The following PARP4 variants were observed in gnomAD, a reference collection of about 807,000 sequenced individuals.
PARP4 encodes the protein protein mono-ADP-ribosyltransferase PARP4.
In PARP4, 120 loss-of-function variants were observed where a neutral mutation model predicts 187.7. The observed-to-expected ratio is 0.64, with a 90% CI of 0.55 to 0.74. The LOEUF is 0.74. Ranked by LOEUF, PARP4 falls within the 30% of genes least tolerant of loss-of-function variation. The pLI is 0.00. For missense variants in PARP4, 1,836 were observed against 2,070.5 expected (o/e 0.89, Z 2.20); for synonymous variants, 654 against 740.9 (o/e 0.88, Z 1.90).
At chr13:24,433,901 T>G (rs923165028) in intron 31 of PARP4, among the ~76,000 whole-genome samples, 158 of 152,358 alleles carry the variant, frequency 1.0e-3, no homozygotes, top group Middle Eastern at 3.4e-3. Flanking sequence ...TACAGGGTGT[T>G]TATCAGCTTA....
At chr13:24,476,503 C>T (rs889784218) in intron 14 of PARP4, among the ~76,000 whole-genome samples, 1 of 152,114 alleles carries the variant, frequency 6.6e-6, no homozygotes, top group Non-Finnish European at 1.5e-5. Flanking sequence ...GATTTTCAAT[C>T]CAAGGAAGAC....
chr13:24,504,615 C>T (rs1480855523), intron 1 of PARP4, among the ~76,000 whole-genome samples: 1 of 151,994 alleles, frequency 6.6e-6, no homozygotes, highest in African/African-American at 2.4e-5. Context: ...ATTTACTGTA[C>T]AACACATTCT....
chr13:24,446,690 T>C lies in PARP4; in HGVS notation c.3357A>G (p.Thr1119=). ...AGGTTTTGAATCTTACAGTTCCAGTTGTCTTCTGAAGCTCAGTAGTCGACA... is the reference window on the plus strand; with the variant it reads ...AGGTTTTGAATCTTACAGTTCCAGTCGTCTTCTGAAGCTCAGTAGTCGACA... ...TMVSTTELQK[T]TGTMIHKLAA... Residue 1119 remains threonine (T), a synonymous_variant, in exon 27 of 34, where the codon ACA becomes ACG. Coordinates refer to ENST00000381989, the MANE Select transcript of PARP4 (RefSeq NM_006437.4). The C allele has an allele frequency of 1.3e-6, 2 of 1,577,890 alleles. No homozygotes were observed.
At chr13:24,451,404 CAA>C (rs1871511824) in intron 24 of PARP4, among the ~76,000 whole-genome samples, 2 of 152,218 alleles carry the variant, frequency 1.3e-5, no homozygotes, top group East Asian at 1.9e-4. Context: ...CAGTGGAGGA[CAA>C]AGAGAAGAAA....
chr13:24,456,273 G>C, intron 21 of PARP4, 68 bp downstream of exon 21: 1 of 1,318,690 alleles, frequency 7.6e-7, no homozygotes, highest in Non-Finnish European at 1.0e-6. Context: ...TAATTTGCAA[G>C]TTTAACCAGC....
chr13:24,505,815 G>C (rs9578756), intron 1 of PARP4, among the ~76,000 whole-genome samples: 1 of 152,218 alleles, frequency 6.6e-6, no homozygotes, highest in South Asian at 2.1e-4. Flanking sequence ...GCCATTTGGC[G>C]ACAGCAGTTT....
intron 15 of PARP4, among the ~76,000 whole-genome samples, chr13:24,475,075 G>A (rs1272182745): frequency 1.3e-5 from 2 of 152,220 alleles, no homozygotes; most frequent in African/African-American, 4.8e-5. Context: ...GTATGCAGAT[G>A]TCACCTTCTC....
At chr13:24,431,504 TTA>T (rs1382986441) in intron 31 of PARP4, 28 bp from the exon 32 acceptor site, 3 of 1,398,330 alleles carry the variant, frequency 2.1e-6, no homozygotes, top group Non-Finnish European at 3.0e-6. Context: ...CAAAAATAAG[TTA>T]TGTTATTCAC....
At position 24,443,736 on chromosome 13, in the gene PARP4, T is replaced by A. The variant is rs1871067480; in HGVS notation, c.3367-6A>T. The A allele has an allele frequency of 2.5e-6, 4 of 1,607,882 alleles. No homozygotes were observed. Among genetic ancestry groups the A allele is most frequent in the Non-Finnish European group, 2.6e-6 (3 of 1,175,304 alleles). ...GCTGCCAGCTTGTGGATCATCTGTGTTTAAGCAGCAAAGGAAAAAAAATAT... is the reference window on the plus strand; with the variant it reads ...GCTGCCAGCTTGTGGATCATCTGTGATTAAGCAGCAAAGGAAAAAAAATAT... On this transcript the variant is annotated splice_polypyrimidine_tract_variant and splice_region_variant and intron_variant, in intron 27 of 33. Coordinates refer to ENST00000381989, the MANE Select transcript of PARP4 (RefSeq NM_006437.4).
In PARP4 at chr13:24,433,179, C is replaced by T. The variant is rs144158668; in HGVS notation, c.4746+1216G>A. On this transcript the variant is annotated intron_variant, in intron 31 of 33. Transcript: ENST00000381989. ...CTCCTGTTCCCATTATCTCAAGTAG[C>T]AGAATATGTTCCATATAAATGCTAA... 3.3e-3 allele frequency among the ~76,000 whole-genome samples: 510 copies of T among 152,282 alleles called. 7 individuals carry two copies. The highest frequency in any genetic ancestry group is 0.011 in the African/African-American group (469 of 41,554).
intron 11 of PARP4, among the ~76,000 whole-genome samples, chr13:24,485,772 T>C (rs1299507891): frequency 6.6e-6 from 1 of 152,232 alleles, no homozygotes; most frequent in Non-Finnish European, 1.5e-5. Context: ...CTCATGAATA[T>C]AGAATCACTT....
At chr13:24,496,100 G>A (rs536347348) in intron 6 of PARP4, among the ~76,000 whole-genome samples, 160 of 151,058 alleles carry the variant, frequency 1.1e-3, no homozygotes, top group Non-Finnish European at 1.6e-3. Flanking sequence ...CTACAGACTC[G>A]GGCTTGCTAA....
intron 29 of PARP4, 32 bp downstream of exon 29, chr13:24,442,558 T>A: frequency 8.4e-7 from 1 of 1,189,972 alleles, no homozygotes; most frequent in South Asian, 1.3e-5. Context: ...ACAAATAAAA[T>A]AATTTAACCT....
intron 1 of PARP4, among the ~76,000 whole-genome samples, chr13:24,506,307 C>T (rs1269132239): frequency 6.6e-6 from 1 of 152,132 alleles, no homozygotes; most frequent in African/African-American, 2.4e-5. Flanking sequence ...TGCAGACCTC[C>T]GCGATTTAAA....
chr13:24,471,849 C>T lies in PARP4; in HGVS notation c.1915-1824G>A, dbSNP rs541719616. On this transcript the variant is annotated intron_variant, in intron 15 of 33. Coordinates refer to ENST00000381989, the MANE Select transcript of PARP4 (RefSeq NM_006437.4). Reference sequence around the variant, plus strand: ...GCACACAAAAACAATGCCCTAAGTCCTTTATATTTATTAGATTGAATAGCC... The same window carrying T: ...GCACACAAAAACAATGCCCTAAGTCTTTTATATTTATTAGATTGAATAGCC... 5.6e-4 allele frequency among the ~76,000 whole-genome samples: 85 copies of T among 152,244 alleles called. 4 individuals are homozygous for T. In the South Asian group the frequency reaches 0.017, roughly 30 times the overall value.
At chr13:24,452,854 C>A (rs906061886) in intron 23 of PARP4, among the ~76,000 whole-genome samples, 1 of 152,216 alleles carries the variant, frequency 6.6e-6, no homozygotes, top group Non-Finnish European at 1.5e-5. Context: ...AATGTCCCAT[C>A]CAATCAGCCC....
rs776348052 is a variant in PARP4, at chr13:24,501,678, G to T, written c.289C>A (p.Pro97Thr). ...LDVKNYDPYK[P>T]LDITPPPDQK... ...TCAGGAGGTGGTGTGATGTCCAGGGGCTTATAAGGATCATAATTCTTTACA... is the reference window on the plus strand; with the variant it reads ...TCAGGAGGTGGTGTGATGTCCAGGGTCTTATAAGGATCATAATTCTTTACA... Residue 97 changes from proline to threonine, a missense_variant, in exon 3 of 34, where the codon CCC (proline) becomes ACC (threonine). By Grantham distance (38) the Pro-to-Thr change is conservative. Transcript: ENST00000381989. The T allele has an allele frequency of 2.2e-5, 36 of 1,613,190 alleles. No individual in the cohort carries two copies. The East Asian group carries it at 7.4e-4, about 33-fold the overall frequency.
rs530917523 is a variant in PARP4 at position 24,434,574 on chromosome 13, T to G, written c.4567A>C (p.Thr1523Pro). Residue 1523 changes from threonine (T) to proline (P), a missense_variant, in exon 31 of 34, where the codon ACA (threonine) becomes CCA (proline). Transcript: ENST00000381989. The part of the protein sequence containing the change: ...CPVFAFQSSD[T>P]ESDELSEVLQ... ...ACTTCTGATAGCTCATCACTTTCTG[T>G]GTCAGAACTTTGAAAAGCAAAGACA... 1.2e-6 allele frequency: 2 copies of G among 1,613,330 alleles called. No individual in the cohort carries two copies. The highest frequency in any genetic ancestry group is 3.3e-5 in the Admixed American group (2 of 59,968).
chr13:24,426,211 A>G (rs1428147289), intron 33 of PARP4, among the ~76,000 whole-genome samples: 1 of 152,124 alleles, frequency 6.6e-6, no homozygotes, highest in Admixed American at 6.6e-5. Flanking sequence ...CCACATCCAG[A>G]GCCCAGAAGC....
Sources: allele counts gnomAD v4.1 joint callset (sites outside exome capture counted in the v4.1 genomes callset), GRCh38; gene constraint gnomAD v4.1.1; transcripts MANE v1.5; gene names NCBI Gene and HGNC (gene_info 2026-07-23, HGNC 2026-07-21).